NOP58: variants seen among roughly 807,000 people sequenced by gnomAD.
NOP58 encodes the protein nucleolar protein 58.
Under a neutral mutation model 71.2 loss-of-function variants are expected in NOP58, and 44 were observed. That is an observed-to-expected ratio of 0.62 (90% CI 0.49 to 0.79). NOP58 has a LOEUF of 0.79. NOP58 is among the 30% of genes least tolerant of loss of function. The pLI is 0.00. For missense variants in NOP58, 538 were observed against 620.2 expected, an observed-to-expected ratio of 0.87 and a Z score of 1.41; for synonymous variants, 228 against 200.3, an observed-to-expected ratio of 1.14 and a Z score of -1.17.
chr2:202,293,673 C>G (rs555981043), intron 9 of NOP58, among the ~76,000 whole-genome samples: 1 of 152,248 alleles, frequency 6.6e-6, no homozygotes, highest in Admixed American at 6.5e-5. Flanking sequence ...CAGGTTCAAG[C>G]AATTCTCCTG....
rs1574389337 is a variant in NOP58 at position 202,297,783 on chromosome 2, T to TAC, written c.1207-61_1207-60insCA. ...TGGCCCACTGATTCACTAGACTGTA[T>TAC]AGTGTATTATAAAGAGATTATGACT... On this transcript the variant is annotated intron_variant, in intron 11 of 14. Transcript: ENST00000264279. 2.4e-5 allele frequency: 24 copies of TAC among 996,628 alleles called. No homozygotes were observed. The East Asian group carries it at 6.0e-4, about 25-fold the overall frequency. 61.7% of individuals were successfully genotyped at this position (996,628 alleles called of 1,614,324 possible).
intron 6 of NOP58, among the ~76,000 whole-genome samples, chr2:202,289,507 T>C (rs1045263762): frequency 2.0e-5 from 3 of 152,246 alleles, no homozygotes; most frequent in Admixed American, 2.0e-4. Context: ...ATGCATTTCC[T>C]ATTTAGACTT....
chr2:202,297,293 T>TA, intron 10 of NOP58, 86 bp from the exon 11 acceptor site: 1 of 1,281,376 alleles, frequency 7.8e-7, no homozygotes, highest in East Asian at 2.3e-5. Context: ...TCATAATAGT[T>TA]TTATAACTCC....
intron 6 of NOP58, among the ~76,000 whole-genome samples, chr2:202,288,167 CTG>C (rs1375839765): frequency 6.6e-6 from 1 of 152,056 alleles, no homozygotes; most frequent in African/African-American, 2.4e-5. Context: ...GTGTATTCTG[CTG>C]TGTCATTAAA....
At chr2:202,302,680 T>C (rs992136738) in intron 13 of NOP58, among the ~76,000 whole-genome samples, 1 of 152,198 alleles carries the variant, frequency 6.6e-6, no homozygotes, top group Non-Finnish European at 1.5e-5. Context: ...ATGACCTTTG[T>C]TTTAATCCTG....
At chr2:202,289,508 A>G (rs774544523) in intron 6 of NOP58, among the ~76,000 whole-genome samples, 3 of 152,220 alleles carry the variant, frequency 2.0e-5, no homozygotes, top group African/African-American at 4.8e-5. Flanking sequence ...TGCATTTCCT[A>G]TTTAGACTTC....
rs991279085 is a variant in NOP58 at position 202,266,107 on chromosome 2, G to A, written c.45+121G>A. The A allele has an allele frequency of 1.2e-4, 142 of 1,177,714 alleles. 2 individuals are homozygous for A. In the Admixed American group the frequency reaches 2.5e-3, roughly 21 times the overall value. 73.0% of individuals were successfully genotyped at this position (1,177,714 alleles called of 1,614,324 possible). A position where few individuals can be genotyped will look rare whatever the true frequency, so the allele number is the denominator to read the frequency against. On this transcript the variant is annotated intron_variant, in intron 1 of 14. Coordinates refer to ENST00000264279, the MANE Select transcript of NOP58 (RefSeq NM_015934.5). ...GGTGCCTGTTATAGCCCGGGCTCTG[G>A]GAGGAGGGAGAAGGCCTTTACACCT...
intron 9 of NOP58, among the ~76,000 whole-genome samples, chr2:202,295,217 A>T (rs928615742): frequency 1.3e-5 from 2 of 152,228 alleles, no homozygotes; most frequent in Non-Finnish European, 2.9e-5. Context: ...GTGAAAGCAC[A>T]GGTAGGGGAC....
intron 5 of NOP58, 59 bp downstream of exon 5, chr2:202,284,540 ATCTGT>A: frequency 5.8e-6 from 9 of 1,552,672 alleles, no homozygotes; most frequent in Non-Finnish European, 7.1e-6. Context: ...CTTAACATAG[ATCTGT>A]TCTAAGAATG....
chr2:202,288,836 C>A (rs185070557), intron 6 of NOP58, among the ~76,000 whole-genome samples: 1 of 151,110 alleles, frequency 6.6e-6, no homozygotes, highest in East Asian at 2.0e-4. Context: ...ACAAAGTATT[C>A]GGCTGGGCGC....
At chr2:202,275,439 T>C in intron 2 of NOP58, 1 of 368,742 alleles carries the variant, frequency 2.7e-6, no homozygotes, top group Non-Finnish European at 5.0e-6. Context: ...CTGTGGATAC[T>C]TTAAACCTCG....
chr2:202,277,500 A>G (rs1182973177), intron 2 of NOP58, among the ~76,000 whole-genome samples: 1 of 151,954 alleles, frequency 6.6e-6, no homozygotes, highest in Admixed American at 6.6e-5. Context: ...AAAACCATAA[A>G]GGGTTAGGAT....
rs576891633 is a variant in NOP58, at chr2:202,286,641, A to G, written c.435-1019A>G. 3.3e-5 allele frequency among the ~76,000 whole-genome samples: 5 copies of G among 152,376 alleles called. No homozygotes were observed. The South Asian group carries it at 6.2e-4, about 19-fold the overall frequency. On this transcript the variant is annotated intron_variant, in intron 5 of 14. Coordinates refer to ENST00000264279, the MANE Select transcript of NOP58 (RefSeq NM_015934.5). The stretch of plus-strand genomic sequence containing the variant: ...GCACAAAGGTTAGGGAGAGCTTTGT[A>G]ATAAGCATTTCTAAGAGAGAACAAA...
Position 202,302,089 on chromosome 2 carries a change from T to C in NOP58, c.1403-832T>C, listed in dbSNP as rs111639306. Among the ~76,000 whole-genome samples the C allele has an allele frequency of 2.3e-3, 312 of 134,392 alleles. 1 individual carries two copies. The highest frequency in any genetic ancestry group is 7.9e-3 in the African/African-American group (281 of 35,470). 88.2% of individuals were successfully genotyped at this position (134,392 alleles called of 152,430 possible). A position where few individuals can be genotyped will look rare whatever the true frequency, so the allele number is the denominator to read the frequency against. On this transcript the variant is annotated intron_variant, in intron 13 of 14. Coordinates refer to ENST00000264279, the MANE Select transcript of NOP58 (RefSeq NM_015934.5). The stretch of plus-strand genomic sequence containing the variant: ...TTCTTTTTCTTTTTTTTTTCTTTTT[T>C]TTTTTTTTTTTTTTTTGAGACAGAG...
In NOP58 at chr2:202,292,625, AAAG is replaced by A. The variant is rs1688922651; in HGVS notation, c.781-149_781-147del. The A allele has an allele frequency of 3.1e-5, 19 of 609,898 alleles. 1 individual carries two copies. In the Admixed American group the frequency reaches 4.8e-4, roughly 15 times the overall value. The allele number at this position is 609,898 out of a possible 1,614,324, so 37.8% of individuals were successfully genotyped here. A position where few individuals can be genotyped will look rare whatever the true frequency, so the allele number is the denominator to read the frequency against. The stretch of plus-strand genomic sequence containing the variant: ...TGCGCTCCAGCCTGGGAAAAAAAAA[AAAG>A]AAAACTGATGTTAGGCATAGGTGAT... On this transcript the variant is annotated intron_variant, in intron 8 of 14. Transcript: ENST00000264279.
At chr2:202,286,680 T>G (rs556125292) in intron 5 of NOP58, among the ~76,000 whole-genome samples, 104 of 152,282 alleles carry the variant, frequency 6.8e-4, no homozygotes, top group African/African-American at 2.0e-3. Context: ...TGAAACTGAG[T>G]CAAAAATCCA....
chr2:202,294,487 C>G (rs59671558), intron 9 of NOP58, among the ~76,000 whole-genome samples: 18,835 of 151,862 alleles, frequency 0.12, 3,943 homozygotes, highest in African/African-American at 0.43. Flanking sequence ...AACAATAGTC[C>G]CCAGCTATTT....
intron 12 of NOP58, chr2:202,299,763 T>A (rs1269322023): frequency 1.3e-5 from 2 of 152,342 alleles, no homozygotes; most frequent in African/African-American, 2.4e-5. Flanking sequence ...TCCATGTGCA[T>A]GTATTTGTAT....
Position 202,265,996 on chromosome 2 carries a change from A to G in NOP58, c.45+10A>G, listed in dbSNP as rs747104333. 6.2e-7 allele frequency: 1 copy of G among 1,614,038 alleles called. No homozygotes were observed. The highest frequency in any genetic ancestry group is 8.5e-7 in the Non-Finnish European group (1 of 1,179,942). On this transcript the variant is annotated intron_variant, in intron 1 of 14. Coordinates refer to ENST00000264279, the MANE Select transcript of NOP58 (RefSeq NM_015934.5). ...TTACGCCATCTTTAAGGTAGGTGGG[A>G]GAGCGAGCCGTTAAAGGGGGAAGGC...
Sources: gnomAD v4.1 joint callset for allele counts (sites outside exome capture counted in the v4.1 genomes callset) on GRCh38, gnomAD v4.1.1 for gene constraint, MANE v1.5 for transcripts, NCBI Gene and HGNC (gene_info 2026-07-23, HGNC 2026-07-21) for gene names.